Variants in EPB41L3 observed in about 807,000 individuals in gnomAD.
The protein encoded by EPB41L3 is erythrocyte membrane protein band 4.1 like 3.
A neutral mutation model predicts 127.1 loss-of-function variants in EPB41L3; 57 were observed. The observed-to-expected ratio is 0.45, with a 90% CI of 0.36 to 0.56. The LOEUF is 0.56. Ranked by LOEUF, EPB41L3 falls within the 20% of genes least tolerant of loss-of-function variation. EPB41L3 has a pLI of 0.00. For missense variants in EPB41L3, 1,273 were observed against 1,372.2 expected, an observed-to-expected ratio of 0.93 and a Z score of 1.14; for synonymous variants, 572 against 549.5, an observed-to-expected ratio of 1.04 and a Z score of -0.57.
At chr18:5,533,031 A>G (rs184414422) in intron 1 of EPB41L3, among the ~76,000 whole-genome samples, 48 of 152,304 alleles carry the variant, frequency 3.2e-4, no homozygotes, top group African/African-American at 1.1e-3. Context: ...ATTTATTAAT[A>G]TATGTATATT....
chr18:5,570,442 G>A (rs2094262733), intron 3 of EPB41L3, among the ~76,000 whole-genome samples: 1 of 152,210 alleles, frequency 6.6e-6, no homozygotes, highest in Non-Finnish European at 1.5e-5. Flanking sequence ...GGAATTATGA[G>A]TTAACTAGGC....
In EPB41L3 at chr18:5,499,903, T is replaced by A. The variant is rs866322492; in HGVS notation, c.-11-10709A>T. 7.3e-5 allele frequency among the ~76,000 whole-genome samples: 11 copies of A among 151,442 alleles called. No individual in the cohort carries two copies. The South Asian group carries it at 2.3e-3, about 32-fold the overall frequency. On this transcript the variant is annotated intron_variant, in intron 1 of 22. Coordinates refer to ENST00000341928, the MANE Select transcript of EPB41L3 (RefSeq NM_012307.5). Reference sequence around the variant, plus strand: ...TGAAAAAGTTAATCTAGTGTGAATCTTTAAGATCCTGTCATTCTGTCACAG... The same window carrying A: ...TGAAAAAGTTAATCTAGTGTGAATCATTAAGATCCTGTCATTCTGTCACAG...
chr18:5,525,902 C>G (rs2093204369), intron 1 of EPB41L3, among the ~76,000 whole-genome samples: 2 of 152,086 alleles, frequency 1.3e-5, no homozygotes, highest in Admixed American at 1.3e-4. Flanking sequence ...AAGATGTCTT[C>G]TATTGGAGAA....
chr18:5,578,785 G>A (rs1366124810), intron 3 of EPB41L3, among the ~76,000 whole-genome samples: 1 of 152,184 alleles, frequency 6.6e-6, no homozygotes, highest in African/African-American at 2.4e-5. Context: ...TCCAGGTGTT[G>A]GAAGGAATGT....
intron 13 of EPB41L3, among the ~76,000 whole-genome samples, chr18:5,414,091 TGACTAACTC>T (rs563725029): frequency 2.8e-4 from 43 of 152,368 alleles, no homozygotes; most frequent in African/African-American, 1.0e-3. Flanking sequence ...GTTAGCTTGA[TGACTAACTC>T]GACTGTTAAA....
rs775340574 is a variant in EPB41L3 at position 5,419,816 on chromosome 18, A to G, written c.1401T>C (p.Thr467=). Residue 467 remains threonine (T), a synonymous_variant, in exon 12 of 23, where the codon ACT becomes ACC. Transcript: ENST00000341928. ...KGISQTNLIT[T]VTPEKKAEEE... ...CCTCAGCCTTCTTCTCCGGAGTCAC[A>G]GTGGTGATCAAGTTGGTCTGAGAGA... is the stretch of plus-strand genomic sequence containing the variant. 3 of 1,614,194 alleles carry G rather than the reference A, an allele frequency of 1.9e-6. No homozygotes were observed. The South Asian group carries it at 3.3e-5, about 18-fold the overall frequency.
At chr18:5,583,812 AT>A (rs919586510) in intron 3 of EPB41L3, among the ~76,000 whole-genome samples, 1 of 151,912 alleles carries the variant, frequency 6.6e-6, no homozygotes, top group African/African-American at 2.4e-5. Context: ...CTAGAAAATA[AT>A]TTTTTTTATT....
intron 3 of EPB41L3, among the ~76,000 whole-genome samples, chr18:5,565,234 TA>T (rs542697365): frequency 0.011 from 1,428 of 131,590 alleles, 4 homozygotes; most frequent in African/African-American, 0.019. Flanking sequence ...CCATCTCTAC[TA>T]AAAAAAAAAA....
chr18:5,503,921 TG>T (rs1169961611), intron 1 of EPB41L3, among the ~76,000 whole-genome samples: 3 of 152,254 alleles, frequency 2.0e-5, no homozygotes, highest in Non-Finnish European at 2.9e-5. Context: ...ATCTCAGTCA[TG>T]CTCAATCTCT....
At chr18:5,405,659 G>A (rs1421475813) in intron 16 of EPB41L3, among the ~76,000 whole-genome samples, 1 of 152,008 alleles carries the variant, frequency 6.6e-6, no homozygotes, top group African/African-American at 2.4e-5. Flanking sequence ...AAGTGTGGTG[G>A]TGCCTGCTTG....
intron 1 of EPB41L3, among the ~76,000 whole-genome samples, chr18:5,625,913 T>A (rs1451753862): frequency 6.6e-6 from 1 of 152,108 alleles, no homozygotes; most frequent in East Asian, 1.9e-4. Flanking sequence ...TCTCTTTTTA[T>A]TTCAAAGTCC....
intron 3 of EPB41L3, among the ~76,000 whole-genome samples, chr18:5,606,012 G>A (rs549977191): frequency 4.6e-5 from 7 of 152,242 alleles, no homozygotes; most frequent in African/African-American, 1.2e-4. Flanking sequence ...TGGGCATGTG[G>A]GGGTGACAAG....
In EPB41L3 at chr18:5,531,467, G is replaced by A. The variant is rs77085519; in HGVS notation, c.-12+12446C>T. ...GTTGGGCACAGTGGTTCACACCTGG[G>A]ATCCCAGCATTTTGGGAGGATGAGG... is the stretch of plus-strand genomic sequence containing the variant. On this transcript the variant is annotated intron_variant, in intron 1 of 22. Coordinates refer to ENST00000341928, the MANE Select transcript of EPB41L3 (RefSeq NM_012307.5). 2.0e-4 allele frequency among the ~76,000 whole-genome samples: 31 copies of A among 152,180 alleles called. No homozygotes were observed. The East Asian group carries it at 5.0e-3, about 25-fold the overall frequency.
intron 1 of EPB41L3, among the ~76,000 whole-genome samples, chr18:5,627,916 G>C (rs2094940142): frequency 6.6e-6 from 1 of 152,202 alleles, no homozygotes. Context: ...GTTAACAAGA[G>C]AGGCTCTTTG....
rs568633096 is a variant in EPB41L3 at position 5,553,782 on chromosome 18, C to T, written c.-306+58558G>A. Among the ~76,000 whole-genome samples the T allele has an allele frequency of 3.3e-5, 5 of 152,286 alleles. No homozygotes were observed. In the Middle Eastern group the frequency reaches 0.01, roughly 313 times the overall value. On this transcript the variant is annotated intron_variant, in intron 3 of 21. Coordinates refer to the EPB41L3 transcript ENST00000545076. ...TCAGCACATCTGTCTCTGCTGCCAC[C>T]CTGAGACCCCTATAGTGATTCTCCA...
chr18:5,547,782 C>G (rs1018059661), upstream of EPB41L3, among the ~76,000 whole-genome samples: 1 of 152,158 alleles, frequency 6.6e-6, no homozygotes, highest in Non-Finnish European at 1.5e-5. Flanking sequence ...GAATGAGTAA[C>G]TGGTATTCTG....
At chr18:5,495,512 C>A (rs1299036640) in intron 1 of EPB41L3, among the ~76,000 whole-genome samples, 1 of 151,874 alleles carries the variant, frequency 6.6e-6, no homozygotes, top group East Asian at 1.9e-4. Flanking sequence ...AAGCACCATG[C>A]CCAGGGTGTT....
intron 3 of EPB41L3, among the ~76,000 whole-genome samples, chr18:5,557,661 A>G (rs2094059850): frequency 6.6e-6 from 1 of 152,234 alleles, no homozygotes. Flanking sequence ...CTGGGATTAC[A>G]GGTGTGAGCT....
At chr18:5,421,074 A>G (rs890535558) in intron 11 of EPB41L3, among the ~76,000 whole-genome samples, 6 of 152,230 alleles carry the variant, frequency 3.9e-5, no homozygotes, top group Admixed American at 6.5e-5. Context: ...CCAGCTCAAC[A>G]GCAGCAGAAA....
Sources: gnomAD v4.1 joint callset for allele counts (sites outside exome capture counted in the v4.1 genomes callset) on GRCh38, gnomAD v4.1.1 for gene constraint, MANE v1.5 for transcripts, NCBI Gene and HGNC (gene_info 2026-07-23, HGNC 2026-07-21) for gene names.